KIAA1958: variants seen among roughly 807,000 people sequenced by gnomAD.
The protein encoded by KIAA1958 is KIAA1958.
A neutral mutation model predicts 47.2 loss-of-function variants in KIAA1958; 14 were observed. The ratio of observed to expected loss-of-function variants is 0.30; its 90% confidence interval spans 0.20 to 0.46. The LOEUF (loss-of-function observed/expected upper bound fraction) is 0.46, where lower values mean the gene tolerates loss of function less well. KIAA1958 is among the 20% of genes least tolerant of loss of function. The pLI, the probability that KIAA1958 is intolerant of heterozygous loss-of-function variation, is 1.00. For synonymous variants in KIAA1958, 354 were observed against 353.3 expected, an observed-to-expected ratio of 1.00 and a Z score of -0.02; for missense variants, 803 against 909.2, an observed-to-expected ratio of 0.88 and a Z score of 1.50.
At position 112,666,590 on chromosome 9, in the gene KIAA1958, CAGA is replaced by C. The variant is rs960201090; in HGVS notation, c.*6527_*6529del. The C allele has an allele frequency of 2.0e-5, 3 of 152,280 alleles. No homozygotes were observed. The highest frequency in any genetic ancestry group is 1.9e-4 in the East Asian group (1 of 5,184). 9.4% of individuals were successfully genotyped at this position (152,280 alleles called of 1,614,324 possible). ...CTTCTTGTACCTTCCCAGAAAAACC[CAGA>C]AGAAGGCCAAATCTCAATTCTAGAA... On this transcript the variant is annotated 3_prime_UTR_variant, in exon 4 of 4. Transcript: ENST00000337530.
At chr9:112,494,672 C>T (rs1343591508) in intron 1 of KIAA1958, among the ~76,000 whole-genome samples, 2 of 151,942 alleles carry the variant, frequency 1.3e-5, no homozygotes, top group Non-Finnish European at 2.9e-5. Context: ...TTCACCATGT[C>T]ACCCAGGCTG....
intron 1 of KIAA1958, among the ~76,000 whole-genome samples, chr9:112,491,736 A>G (rs935563479): frequency 1.3e-5 from 2 of 152,096 alleles, no homozygotes; most frequent in Middle Eastern, 3.2e-3. Context: ...TAATTATCCA[A>G]AGTTGCTTCC....
intron 1 of KIAA1958, among the ~76,000 whole-genome samples, chr9:112,554,753 A>G (rs1319641646): frequency 6.6e-6 from 1 of 152,102 alleles, no homozygotes; most frequent in African/African-American, 2.4e-5. Flanking sequence ...AGGTGATTCC[A>G]CTGCACAGCC....
At chr9:112,507,316 G>A (rs530877202) in intron 1 of KIAA1958, among the ~76,000 whole-genome samples, 43 of 152,300 alleles carry the variant, frequency 2.8e-4, no homozygotes, top group African/African-American at 8.2e-4. Flanking sequence ...GAAAAGATGT[G>A]TGGAACTGAC....
chr9:112,540,451 G>T (rs1185818610), intron 1 of KIAA1958, among the ~76,000 whole-genome samples: 3 of 152,106 alleles, frequency 2.0e-5, no homozygotes, highest in African/African-American at 4.8e-5. Flanking sequence ...CTATGTGGGG[G>T]TTATATGGAT....
chr9:112,519,312 C>T (rs1834496828), intron 1 of KIAA1958, among the ~76,000 whole-genome samples: 1 of 152,082 alleles, frequency 6.6e-6, no homozygotes, highest in African/African-American at 2.4e-5. Context: ...TATTATCATA[C>T]TTATATGAGC....
At chr9:112,644,901 C>T (rs537702117) in intron 2 of KIAA1958, among the ~76,000 whole-genome samples, 1 of 152,118 alleles carries the variant, frequency 6.6e-6, no homozygotes, top group African/African-American at 2.4e-5. Flanking sequence ...TTTGGGAGGC[C>T]GAGGTGGGTG....
At chr9:112,634,666 T>C (rs1322461411) in intron 2 of KIAA1958, among the ~76,000 whole-genome samples, 2 of 152,246 alleles carry the variant, frequency 1.3e-5, no homozygotes, top group Non-Finnish European at 2.9e-5. Context: ...TCCTTCTAAA[T>C]GATTTTTCAG....
At chr9:112,522,329 A>G (rs2132797388) in intron 1 of KIAA1958, among the ~76,000 whole-genome samples, 1 of 152,290 alleles carries the variant, frequency 6.6e-6, no homozygotes, top group East Asian at 1.9e-4. Context: ...CTAGTATTTC[A>G]TGCTTCAGAT....
intron 3 of KIAA1958, among the ~76,000 whole-genome samples, chr9:112,655,408 C>A (rs1837132420): frequency 1.3e-5 from 2 of 152,118 alleles, no homozygotes; most frequent in Admixed American, 1.3e-4. Context: ...AAACTTATGG[C>A]ACTCCTCTAT....
chr9:112,659,155 A>G, intron 3 of KIAA1958, 108 bp from the exon 4 acceptor site: 1 of 852,950 alleles, frequency 1.2e-6, no homozygotes, highest in Non-Finnish European at 1.9e-6. Context: ...TGTCCTGCTA[A>G]GGGGTCACAG....
At chr9:112,623,395 C>T (rs1019316473) in intron 2 of KIAA1958, among the ~76,000 whole-genome samples, 9 of 152,126 alleles carry the variant, frequency 5.9e-5, no homozygotes, top group Admixed American at 2.6e-4. Flanking sequence ...TAAGAGCATC[C>T]GTATCTGAAA....
At chr9:112,515,295 G>A (rs1380446233) in intron 1 of KIAA1958, among the ~76,000 whole-genome samples, 6 of 128,878 alleles carry the variant, frequency 4.7e-5, no homozygotes, top group African/African-American at 1.4e-4. Flanking sequence ...CAGCCGCCCC[G>A]TCCGGGAGGT....
chr9:112,654,424 T>C (rs749327712), intron 3 of KIAA1958, among the ~76,000 whole-genome samples: 135 of 152,032 alleles, frequency 8.9e-4, no homozygotes, highest in Non-Finnish European at 1.3e-3. Flanking sequence ...AAAATGAGAG[T>C]TGGTCTCTTG....
At chr9:112,594,807 A>G (rs1426623824) in intron 2 of KIAA1958, among the ~76,000 whole-genome samples, 1 of 152,164 alleles carries the variant, frequency 6.6e-6, no homozygotes, top group Non-Finnish European at 1.5e-5. Context: ...TACCAATCAA[A>G]TTGTTTTCCT....
At chr9:112,567,906 A>T (rs7865317) in intron 1 of KIAA1958, among the ~76,000 whole-genome samples, 3 of 146,798 alleles carry the variant, frequency 2.0e-5, no homozygotes, top group South Asian at 4.4e-4. Flanking sequence ...TGCAGTGAGC[A>T]GAGATTGTGC....
intron 3 of KIAA1958, among the ~76,000 whole-genome samples, chr9:112,652,749 G>A (rs568066444): frequency 6.6e-5 from 10 of 152,264 alleles, no homozygotes; most frequent in African/African-American, 2.4e-4. Flanking sequence ...CCTTCTGAGA[G>A]TAGCTGGGAC....
intron 2 of KIAA1958, among the ~76,000 whole-genome samples, chr9:112,586,640 A>T (rs555637794): frequency 1.3e-5 from 2 of 152,328 alleles, no homozygotes; most frequent in Non-Finnish European, 2.9e-5. Flanking sequence ...ATTTAGATGT[A>T]TTTAAAGTTT....
rs151178592 is a variant in KIAA1958 at position 112,663,965 on chromosome 9, A to C, written c.*3896A>C. The C allele has an allele frequency of 1.3e-5, 2 of 152,382 alleles. No individual in the cohort carries two copies. The highest frequency in any genetic ancestry group is 4.8e-5 in the African/African-American group (2 of 41,594). 9.4% of individuals were successfully genotyped at this position (152,382 alleles called of 1,614,324 possible). On this transcript the variant is annotated 3_prime_UTR_variant, in exon 4 of 4. Coordinates refer to ENST00000337530, the MANE Select transcript of KIAA1958 (RefSeq NM_133465.4). ...AACGGAAGCATCTTGCTGTACTTGA[A>C]AGATAACTGGACTCAGAGCTACTTC...
Sources: gnomAD v4.1 joint callset for allele counts (sites outside exome capture counted in the v4.1 genomes callset) on GRCh38, gnomAD v4.1.1 for gene constraint, MANE v1.5 for transcripts, NCBI Gene and HGNC (gene_info 2026-07-23, HGNC 2026-07-21) for gene names.